Variants in STARD13 observed in about 807,000 individuals in gnomAD.
STARD13 encodes StAR related lipid transfer domain containing 13.
In STARD13, 62 loss-of-function variants were observed where a neutral mutation model predicts 106.4. That is an observed-to-expected ratio of 0.58 (90% CI 0.48 to 0.72). STARD13 has a LOEUF of 0.72. STARD13 is among the 30% of genes least tolerant of loss of function. The probability of loss-of-function intolerance (pLI) is 0.00; values close to 1 mark genes in which losing one functional copy is unlikely to be tolerated. For synonymous variants in STARD13, 565 were observed against 553.0 expected (o/e 1.02, Z -0.31); for missense variants, 1,387 against 1,424.0 (o/e 0.97, Z 0.42).
intron 3 of STARD13, among the ~76,000 whole-genome samples, chr13:33,159,322 A>G (rs1210525833): frequency 6.6e-6 from 1 of 152,198 alleles, no homozygotes; most frequent in Non-Finnish European, 1.5e-5. Context: ...GCTCATCCCT[A>G]TGATATGTCT....
chr13:33,330,265 A>T (rs547504936), intron 1 of STARD13, among the ~76,000 whole-genome samples: 3 of 152,266 alleles, frequency 2.0e-5, no homozygotes, highest in East Asian at 1.9e-4. Context: ...GCTATCTTTT[A>T]TCTTTTTTAC....
intron 1 of STARD13, among the ~76,000 whole-genome samples, chr13:33,256,711 C>T (rs551518454): frequency 3.4e-4 from 51 of 152,102 alleles, no homozygotes; most frequent in Non-Finnish European, 4.4e-4. Context: ...CAAGCTTAAA[C>T]GAGACAAGCA....
the STARD13 span, among the ~76,000 whole-genome samples, chr13:33,573,456 A>G: frequency 6.6e-6 from 1 of 152,308 alleles, no homozygotes; most frequent in South Asian, 2.1e-4. Flanking sequence ...CTATGTAACA[A>G]TATTATTAAA....
At chr13:33,372,569 T>C in the STARD13 span, among the ~76,000 whole-genome samples, 1 of 151,896 alleles carries the variant, frequency 6.6e-6, no homozygotes, top group South Asian at 2.1e-4. Flanking sequence ...CTGTGCTAAT[T>C]ATTCAAAGAG....
chr13:33,612,376 C>T, the STARD13 span, among the ~76,000 whole-genome samples: 3 of 152,262 alleles, frequency 2.0e-5, no homozygotes, highest in South Asian at 6.2e-4. Context: ...TGTGCACAAA[C>T]CTACAATGTG....
chr13:33,416,459 T>A, the STARD13 span, among the ~76,000 whole-genome samples: 10 of 152,164 alleles, frequency 6.6e-5, no homozygotes, highest in African/African-American at 1.9e-4. Context: ...AAGAGCATAA[T>A]GTGATTGAGG....
the STARD13 span, among the ~76,000 whole-genome samples, chr13:33,575,082 A>T: frequency 6.6e-6 from 1 of 151,762 alleles, no homozygotes; most frequent in Non-Finnish European, 1.5e-5. Context: ...ATACCTGGCT[A>T]ATTTTTGTAT....
At chr13:33,482,762 G>C in the STARD13 span, among the ~76,000 whole-genome samples, 1 of 152,150 alleles carries the variant, frequency 6.6e-6, no homozygotes, top group African/African-American at 2.4e-5. Flanking sequence ...CTGTTCTTTT[G>C]TTTGGTACAC....
the STARD13 span, among the ~76,000 whole-genome samples, chr13:33,439,970 T>C: frequency 6.6e-6 from 1 of 152,200 alleles, no homozygotes; most frequent in African/African-American, 2.4e-5. Flanking sequence ...TTCTCTGACT[T>C]AAGTAAAGAT....
the STARD13 span, among the ~76,000 whole-genome samples, chr13:33,570,815 C>T: frequency 8.5e-5 from 13 of 152,136 alleles, no homozygotes; most frequent in Non-Finnish European, 1.8e-4. Flanking sequence ...ATGGAGTTCT[C>T]TACCAACAGC....
Position 33,285,750 on chromosome 13 carries a change from A to C in STARD13, c.-112T>G. ...CCAGGACAGCTCAACAGACCCAGCG[A>C]TTTTTAAAAAGAAAGAGGAGTGCCA... On this transcript the variant is annotated 5_prime_UTR_variant, in exon 1 of 14. Transcript: ENST00000336934. 8.0e-6 allele frequency: 12 copies of C among 1,492,244 alleles called. No homozygotes were observed. The highest frequency in any genetic ancestry group is 1.1e-5 in the Non-Finnish European group (12 of 1,127,194). The allele number at this position is 1,492,244 out of a possible 1,614,324, so 92.4% of individuals were successfully genotyped here. A position where few individuals can be genotyped will look rare whatever the true frequency, so the allele number is the denominator to read the frequency against.
chr13:33,383,854 C>G, the STARD13 span, among the ~76,000 whole-genome samples: 1 of 150,916 alleles, frequency 6.6e-6, no homozygotes, highest in Non-Finnish European at 1.5e-5. Flanking sequence ...TACTTTTCTC[C>G]TTCGTGAGTT....
Position 33,130,023 on chromosome 13 carries a change from G to A in STARD13, c.654C>T (p.Asp218=). Residue 218 remains aspartate, a synonymous_variant, in exon 5 of 14, where the codon GAC becomes GAT. Coordinates refer to ENST00000336934, the MANE Select transcript of STARD13 (RefSeq NM_178006.4). This position sits in a 1 kb window ranked among gnomAD's most constrained non-coding sequence, Gnocchi z 4.1. ...SRSQPGQCCT[D]NPVMLDAPLV... is the part of the protein sequence containing the mutation. The stretch of plus-strand genomic sequence containing the variant: ...GTGGGGCATCCAGCATGACCGGGTT[G>A]TCTGTACAGCACTGGCCCGGCTGGC... 6.2e-7 allele frequency: 1 copy of A among 1,613,376 alleles called. No individual in the cohort carries two copies. Among genetic ancestry groups the A allele is most frequent in the Non-Finnish European group, 8.5e-7 (1 of 1,179,830 alleles).
intron 3 of STARD13, among the ~76,000 whole-genome samples, chr13:33,144,163 C>A (rs1880221215): frequency 1.3e-5 from 2 of 152,222 alleles, no homozygotes. Flanking sequence ...AGTCCTCTGT[C>A]TCCAGCCCAG....
intron 3 of STARD13, among the ~76,000 whole-genome samples, chr13:33,149,087 T>A (rs947279791): frequency 6.6e-6 from 1 of 152,156 alleles, no homozygotes; most frequent in African/African-American, 2.4e-5. Flanking sequence ...ACACAGAGGA[T>A]TTTTAGGGCA....
the STARD13 span, among the ~76,000 whole-genome samples, chr13:33,523,263 T>A: frequency 6.6e-6 from 1 of 152,114 alleles, no homozygotes; most frequent in Admixed American, 6.6e-5. Context: ...TATTTCTCTG[T>A]GAAGGTCAAA....
At chr13:33,189,487 C>T (rs898945769) in intron 1 of STARD13, among the ~76,000 whole-genome samples, 1 of 149,018 alleles carries the variant, frequency 6.7e-6, no homozygotes, top group Non-Finnish European at 1.5e-5. Flanking sequence ...GGTTTGTCGT[C>T]CTTTCAAAAT....
At chr13:33,674,954 T>C in the STARD13 span, among the ~76,000 whole-genome samples, 1 of 152,176 alleles carries the variant, frequency 6.6e-6, no homozygotes, top group Non-Finnish European at 1.5e-5. Context: ...AAGTTAAAAA[T>C]AACTCTTTCA....
the STARD13 span, among the ~76,000 whole-genome samples, chr13:33,414,500 A>T: frequency 6.6e-6 from 1 of 152,344 alleles, no homozygotes; most frequent in African/African-American, 2.4e-5. Context: ...AACAACCTAG[A>T]TGAACCTCTA....
Sources: gnomAD v4.1 joint callset for allele counts (sites outside exome capture counted in the v4.1 genomes callset) on GRCh38, gnomAD v4.1.1 for gene constraint, Gnocchi (gnomAD v3.1) non-coding constraint, MANE v1.5 for transcripts, NCBI Gene and HGNC (gene_info 2026-07-23, HGNC 2026-07-21) for gene names.